The following LIPH variants were observed in gnomAD, a reference collection of about 807,000 sequenced individuals.
LIPH encodes lipase H, also known as lipase member H.
LIPH carries 32 observed loss-of-function variants against 47.6 expected under a neutral mutation model. The observed-to-expected ratio is 0.67, with a 90% CI of 0.51 to 0.90. The LOEUF is 0.90. LIPH is among the 40% of genes least tolerant of loss of function. The pLI is 0.00. For missense variants in LIPH, 497 were observed against 541.4 expected, an observed-to-expected ratio of 0.92 and a Z score of 0.81; for synonymous variants, 190 against 195.6, an observed-to-expected ratio of 0.97 and a Z score of 0.24.
At chr3:185,536,977 G>A (rs1377545749) in intron 1 of LIPH, among the ~76,000 whole-genome samples, 1 of 152,052 alleles carries the variant, frequency 6.6e-6, no homozygotes, top group African/African-American at 2.4e-5. Context: ...CTTCATCTCC[G>A]GGATTCAAGC....
Position 185,519,254 on chromosome 3 carries a change from G to A in LIPH, c.774C>T (p.Ser258=), listed in dbSNP as rs774214449. Residue 258 remains serine (S), a synonymous_variant, in exon 6 of 10, where the codon TCC becomes TCT. Transcript: ENST00000296252. ...CAGTGATGGTGCAGCTCTCTCTCAG[G>A]GAAGACAGGTACAGGTATACAGACC... ...HQRSVYLYLS[S]LRESCTITAY... The A allele has an allele frequency of 3.1e-6, 5 of 1,612,870 alleles. No homozygotes were observed. Among genetic ancestry groups the A allele is most frequent in the East Asian group, 4.5e-5 (2 of 44,866 alleles).
rs147425926 is a variant in LIPH at position 185,549,298 on chromosome 3, C to T, written c.49+3125G>A. 5.7e-3 allele frequency among the ~76,000 whole-genome samples: 869 copies of T among 152,264 alleles called. 7 individuals are homozygous for T. Among genetic ancestry groups the T allele is most frequent in the African/African-American group, 0.02 (812 of 41,558 alleles). Reference sequence around the variant, plus strand: ...AAATAAATGAGATGCCAGATTTTCTCATTCTCATTTCTGAATCATGTGCAT... The same window carrying T: ...AAATAAATGAGATGCCAGATTTTCTTATTCTCATTTCTGAATCATGTGCAT... On this transcript the variant is annotated intron_variant, in intron 1 of 9. Transcript: ENST00000296252.
chr3:185,519,175 C>G lies in LIPH; in HGVS notation c.853G>C (p.Gly285Arg). The change falls in exon 6 of 10, where the codon GGC becomes CGC. Residue 285 changes from glycine (G) to arginine (R), a missense_variant. Transcript: ENST00000296252. ...GGACAGGACTCTTTTTGTGACGTGC[C>G]GCAGCTGACACACTTGCCATTCCTA... is the stretch of plus-strand genomic sequence containing the variant. ...DYRNGKCVSC[G>R]TSQKESCPLL... 3.1e-6 allele frequency: 5 copies of G among 1,614,024 alleles called. No homozygotes were observed. The highest frequency in any genetic ancestry group is 4.2e-6 in the Non-Finnish European group (5 of 1,179,934).
Position 185,511,584 on chromosome 3 carries a change from C to G in LIPH, c.1208G>C (p.Gly403Ala). The change falls in exon 9 of 10, where the codon GGC becomes GCC. Residue 403 changes from glycine to alanine, a missense_variant. Coordinates refer to ENST00000296252, the MANE Select transcript of LIPH (RefSeq NM_139248.3). ...SLMFSTGSLIGPRYKLRILRM... is the reference protein window; with the variant it reads ...SLMFSTGSLIAPRYKLRILRM... ...GAGAATCCTGAGCTTGTACCTTGGGCCTATTAGAGATCCTGTAGAGAACAT... is the reference window on the plus strand; with the variant it reads ...GAGAATCCTGAGCTTGTACCTTGGGGCTATTAGAGATCCTGTAGAGAACAT... The G allele has an allele frequency of 6.2e-7, 1 of 1,614,028 alleles. No individual in the cohort carries two copies. The highest frequency in any genetic ancestry group is 2.2e-5 in the East Asian group (1 of 44,878).
intron 1 of LIPH, among the ~76,000 whole-genome samples, chr3:185,548,041 G>A (rs147221177): frequency 6.6e-6 from 1 of 152,138 alleles, no homozygotes; most frequent in African/African-American, 2.4e-5. Flanking sequence ...TGTTCTGAAG[G>A]AATTTCCAAA....
At chr3:185,512,318 C>G (rs1577662813) in intron 8 of LIPH, among the ~76,000 whole-genome samples, 1 of 152,156 alleles carries the variant, frequency 6.6e-6, no homozygotes, top group East Asian at 1.9e-4. Context: ...AATCCAGAGT[C>G]TGATCCTGTT....
intron 1 of LIPH, among the ~76,000 whole-genome samples, chr3:185,538,758 CAT>C (rs571722509): frequency 7.4e-5 from 10 of 134,440 alleles, no homozygotes; most frequent in East Asian, 2.1e-4. Flanking sequence ...CATATATATA[CAT>C]ATATATGTAC....
intron 1 of LIPH, among the ~76,000 whole-genome samples, chr3:185,545,316 CTA>C (rs1300796437): frequency 1.3e-5 from 2 of 152,184 alleles, no homozygotes; most frequent in Non-Finnish European, 2.9e-5. Flanking sequence ...GTATTCCCTT[CTA>C]TCTCTTAAAA....
chr3:185,545,803 A>G (rs1720852922), intron 1 of LIPH, among the ~76,000 whole-genome samples: 1 of 152,164 alleles, frequency 6.6e-6, no homozygotes. Flanking sequence ...CCTATTAGCT[A>G]TGTGACCCCT....
intron 1 of LIPH, chr3:185,547,027 A>G (rs767909583): frequency 2.5e-6 from 1 of 397,778 alleles, no homozygotes; most frequent in Non-Finnish European, 4.9e-6. Context: ...CTGAGATTCT[A>G]CGATAGTCAA....
rs375868039 is a variant in LIPH, at chr3:185,506,894, C to G, written c.*1896G>C. ...TACAGCACACTGATCTCTCTATCCACAATTGCTGAGGAAATGTGAGAAGGA... is the reference window on the plus strand; with the variant it reads ...TACAGCACACTGATCTCTCTATCCAGAATTGCTGAGGAAATGTGAGAAGGA... On this transcript the variant is annotated 3_prime_UTR_variant, in exon 10 of 10. Coordinates refer to ENST00000296252, the MANE Select transcript of LIPH (RefSeq NM_139248.3). 7.1e-6 allele frequency: 1 copy of G among 140,422 alleles called. No homozygotes were observed. The highest frequency in any genetic ancestry group is 2.2e-4 in the East Asian group (1 of 4,550). The allele number at this position is 140,422 out of a possible 1,614,324, so 8.7% of individuals were successfully genotyped here.
At chr3:185,542,516 C>A (rs1308471042) in intron 1 of LIPH, among the ~76,000 whole-genome samples, 1 of 151,924 alleles carries the variant, frequency 6.6e-6, no homozygotes, top group African/African-American at 2.4e-5. Context: ...AGGGTTTCAC[C>A]ATGTTGTCCA....
intron 5 of LIPH, among the ~76,000 whole-genome samples, chr3:185,520,872 CTT>C (rs62975760): frequency 2.8e-5 from 4 of 141,044 alleles, no homozygotes; most frequent in Non-Finnish European, 3.0e-5. Context: ...TAGCTTCTAT[CTT>C]TTTTTTTTTT....
At chr3:185,509,830 CT>C (rs998221318) in intron 9 of LIPH, among the ~76,000 whole-genome samples, 2 of 151,804 alleles carry the variant, frequency 1.3e-5, no homozygotes, top group Non-Finnish European at 2.9e-5. Flanking sequence ...CATATATTGT[CT>C]GATATTCAGG....
At chr3:185,547,172 C>T (rs1720902466) in intron 1 of LIPH, among the ~76,000 whole-genome samples, 2 of 151,990 alleles carry the variant, frequency 1.3e-5, no homozygotes, top group Middle Eastern at 3.4e-3. Flanking sequence ...TCAGACCCAT[C>T]TCAGACCTTG....
chr3:185,535,327 A>T (rs907790261), intron 1 of LIPH, among the ~76,000 whole-genome samples, 195 bp from the exon 2 acceptor site: 1 of 152,162 alleles, frequency 6.6e-6, no homozygotes, highest in African/African-American at 2.4e-5. Flanking sequence ...CCCAAGCTGG[A>T]GTGCAGTGGC....
chr3:185,513,913 G>T (rs914072514), intron 8 of LIPH, among the ~76,000 whole-genome samples: 1 of 152,124 alleles, frequency 6.6e-6, no homozygotes, highest in African/African-American at 2.4e-5. Flanking sequence ...GGTGGCATGT[G>T]CCTGTAGTCC....
At chr3:185,514,717 G>T (rs1719672968) in intron 7 of LIPH, among the ~76,000 whole-genome samples, 196 bp from the exon 8 acceptor site, 1 of 152,184 alleles carries the variant, frequency 6.6e-6, no homozygotes, top group Non-Finnish European at 1.5e-5. Flanking sequence ...ATGAGTGATA[G>T]CAGAGTTCAT....
At chr3:185,539,360 A>T (rs1025300415) in intron 1 of LIPH, among the ~76,000 whole-genome samples, 5 of 147,512 alleles carry the variant, frequency 3.4e-5, no homozygotes, top group Non-Finnish European at 1.5e-5. Flanking sequence ...CCTTTATTTT[A>T]CAGATCTTTT....
Sources: gnomAD v4.1 joint callset for allele counts (sites outside exome capture counted in the v4.1 genomes callset) on GRCh38, gnomAD v4.1.1 for gene constraint, MANE v1.5 for transcripts, NCBI Gene and HGNC (gene_info 2026-07-23, HGNC 2026-07-21) for gene names.